Variants in HS3ST4 observed in about 807,000 individuals in gnomAD.
HS3ST4 encodes heparan sulfate-glucosamine 3-sulfotransferase 4.
A neutral mutation model predicts 29.2 loss-of-function variants in HS3ST4; 17 were observed. The ratio of observed to expected loss-of-function variants is 0.58; its 90% CI spans 0.40 to 0.87. The LOEUF is 0.87. Among genes scored for constraint, HS3ST4 ranks in the 40% least tolerant of loss-of-function variants. HS3ST4 has a pLI of 0.00. For missense variants in HS3ST4, 627 were observed against 634.5 expected, an observed-to-expected ratio of 0.99 and a Z score of 0.13; for synonymous variants, 314 against 285.7, an observed-to-expected ratio of 1.10 and a Z score of -1.00.
chr16:25,811,467 C>G (rs1967041549), intron 1 of HS3ST4, among the ~76,000 whole-genome samples: 1 of 97,756 alleles, frequency 1.0e-5, no homozygotes, highest in Non-Finnish European at 1.9e-5. Context: ...GAGTTTCGCT[C>G]TTGTTGCCCA....
chr16:26,103,181 T>G (rs756861870), intron 1 of HS3ST4, among the ~76,000 whole-genome samples: 5 of 151,990 alleles, frequency 3.3e-5, no homozygotes, highest in African/African-American at 4.8e-5. Context: ...CCAACCAGAG[T>G]TGGATGTTTT....
chr16:26,014,179 A>T (rs1457977640), intron 1 of HS3ST4, among the ~76,000 whole-genome samples: 1 of 152,048 alleles, frequency 6.6e-6, no homozygotes, highest in Non-Finnish European at 1.5e-5. Flanking sequence ...TTGTCTGTCT[A>T]TCCTACTAGT....
At chr16:26,109,565 C>A (rs181762911) in intron 1 of HS3ST4, among the ~76,000 whole-genome samples, 1,532 of 152,112 alleles carry the variant, frequency 0.01, 17 homozygotes, top group Non-Finnish European at 0.017. Context: ...CTCCTGCTCC[C>A]CCAGGCATGT....
chr16:26,017,109 C>T (rs1328286474), intron 1 of HS3ST4, among the ~76,000 whole-genome samples: 1 of 152,192 alleles, frequency 6.6e-6, no homozygotes. Flanking sequence ...TTGCATTCAG[C>T]AACTGACACT....
Position 25,692,308 on chromosome 16 carries a change from G to A in HS3ST4, c.-110G>A, listed in dbSNP as rs1327005768. On this transcript the variant is annotated 5_prime_UTR_variant, in exon 1 of 2. Coordinates refer to ENST00000331351, the MANE Select transcript of HS3ST4 (RefSeq NM_006040.3). ...CATGCAGCCGGGGCGGCTGGGCAGC[G>A]GCGGCGGCGGCGGCGGCGGCGGCGG... 6.8e-4 allele frequency: 7 copies of A among 10,320 alleles called. No individual in the cohort carries two copies. Among genetic ancestry groups the A allele is most frequent in the Admixed American group, 3.8e-3 (2 of 526 alleles). 0.6% of individuals were successfully genotyped at this position (10,320 alleles called of 1,614,324 possible). A position where few individuals can be genotyped will look rare whatever the true frequency, so the allele number is the denominator to read the frequency against.
intron 1 of HS3ST4, among the ~76,000 whole-genome samples, chr16:25,772,032 A>G (rs964022247): frequency 5.3e-5 from 8 of 152,228 alleles, no homozygotes; most frequent in African/African-American, 1.9e-4. Flanking sequence ...TTTAGGCTTC[A>G]TGAGCCATAT....
At chr16:26,117,994 TAAAAC>T (rs1899221388) in intron 1 of HS3ST4, among the ~76,000 whole-genome samples, 1 of 152,054 alleles carries the variant, frequency 6.6e-6, no homozygotes. Flanking sequence ...CTAAAGAAGA[TAAAAC>T]AAAACAATGG....
intron 1 of HS3ST4, among the ~76,000 whole-genome samples, chr16:25,974,865 T>C (rs1422324503): frequency 6.6e-6 from 1 of 152,152 alleles, no homozygotes; most frequent in Admixed American, 6.5e-5. Context: ...AATTACAGAA[T>C]GACATGAAAG....
At chr16:25,785,398 C>T (rs927781426) in intron 1 of HS3ST4, among the ~76,000 whole-genome samples, 40 of 152,126 alleles carry the variant, frequency 2.6e-4, no homozygotes, top group African/African-American at 8.2e-4. Context: ...TCCCTGACCT[C>T]GAAGCATGTG....
intron 1 of HS3ST4, among the ~76,000 whole-genome samples, chr16:26,114,788 G>A (rs1596686343): frequency 6.6e-6 from 1 of 152,074 alleles, no homozygotes; most frequent in African/African-American, 2.4e-5. Context: ...CAAAATTTTG[G>A]TATAACAGCA....
chr16:26,061,583 T>G (rs989320278), intron 1 of HS3ST4, among the ~76,000 whole-genome samples: 1 of 152,228 alleles, frequency 6.6e-6, no homozygotes, highest in Non-Finnish European at 1.5e-5. Flanking sequence ...CCAGAATTAA[T>G]GTAGGACTTT....
chr16:25,976,897 A>C (rs1028921248), intron 1 of HS3ST4, among the ~76,000 whole-genome samples: 1 of 150,286 alleles, frequency 6.7e-6, no homozygotes, highest in African/African-American at 2.5e-5. Flanking sequence ...TCAAGAAACT[A>C]TTCTCTGAAA....
chr16:25,774,474 C>G (rs907512957), intron 1 of HS3ST4, among the ~76,000 whole-genome samples: 2 of 152,340 alleles, frequency 1.3e-5, no homozygotes, highest in Admixed American at 1.3e-4. Flanking sequence ...GAAGCAGTCT[C>G]TTCCCTTGCT....
At chr16:25,765,671 A>G (rs1261517903) in intron 1 of HS3ST4, among the ~76,000 whole-genome samples, 2 of 152,174 alleles carry the variant, frequency 1.3e-5, no homozygotes, top group African/African-American at 2.4e-5. Context: ...TGCCGCTACC[A>G]GTCCCAGGGG....
At chr16:26,105,766 C>G (rs1425227752) in intron 1 of HS3ST4, among the ~76,000 whole-genome samples, 1 of 152,260 alleles carries the variant, frequency 6.6e-6, no homozygotes, top group Non-Finnish European at 1.5e-5. Context: ...CCCCATGGGG[C>G]TTGCTTTCTT....
At chr16:26,019,219 T>C (rs941010552) in intron 1 of HS3ST4, among the ~76,000 whole-genome samples, 1 of 151,540 alleles carries the variant, frequency 6.6e-6, no homozygotes, top group Non-Finnish European at 1.5e-5. Flanking sequence ...GGCAGTGGGG[T>C]TCATGCATCC....
chr16:25,915,015 A>G (rs1202257510), intron 1 of HS3ST4, among the ~76,000 whole-genome samples: 1 of 151,934 alleles, frequency 6.6e-6, no homozygotes, highest in African/African-American at 2.4e-5. Flanking sequence ...TGCGCTGTGC[A>G]TTGAGACAGG....
chr16:25,942,001 A>G (rs1968576888), intron 1 of HS3ST4, among the ~76,000 whole-genome samples: 1 of 152,172 alleles, frequency 6.6e-6, no homozygotes, highest in African/African-American at 2.4e-5. Context: ...TATTTGTTTA[A>G]TGACTCAACA....
chr16:25,957,413 T>C (rs1221649497), intron 1 of HS3ST4, among the ~76,000 whole-genome samples: 1 of 111,448 alleles, frequency 9.0e-6, no homozygotes, highest in Non-Finnish European at 1.9e-5. Flanking sequence ...TGAACCTTCA[T>C]AGCTCTCTCT....
Sources: allele counts gnomAD v4.1 joint callset (sites outside exome capture counted in the v4.1 genomes callset), GRCh38; gene constraint gnomAD v4.1.1; transcripts MANE v1.5; gene names NCBI Gene and HGNC (gene_info 2026-07-23, HGNC 2026-07-21).